The following RNF125 variants were observed in gnomAD, a reference collection of about 807,000 sequenced individuals.
RNF125 encodes E3 ubiquitin-protein ligase RNF125.
Under a neutral mutation model 26.0 loss-of-function variants are expected in RNF125, and 21 were observed. That is an observed-to-expected ratio of 0.81 (90% CI 0.57 to 1.16). The LOEUF is 1.16. RNF125 is among the 50% of genes most tolerant of loss of function. The pLI, the probability that RNF125 is intolerant of heterozygous loss-of-function variation, is 0.00. For synonymous variants in RNF125, 95 were observed against 109.2 expected (o/e 0.87, Z 0.81); for missense variants, 270 against 299.4 (o/e 0.90, Z 0.72).
chr18:32,059,742 T>C (rs1176396883), intron 4 of RNF125, among the ~76,000 whole-genome samples: 1 of 152,216 alleles, frequency 6.6e-6, no homozygotes, highest in Non-Finnish European at 1.5e-5. Context: ...AGTAGTTTCA[T>C]AGTTTGAGGT....
intron 2 of RNF125, among the ~76,000 whole-genome samples, chr18:32,040,530 A>G (rs2039206949): frequency 6.6e-6 from 1 of 152,006 alleles, no homozygotes; most frequent in Non-Finnish European, 1.5e-5. Context: ...TCAGCCTCCC[A>G]AAGTGCTGGA....
In RNF125 at chr18:32,071,515, A is replaced by T. The variant is rs2039534091; in HGVS notation, c.*3131A>T. ...TTATGAATCCAGGGCATAGATTAGT[A>T]TCTCCATCTTGTAAGGATGCAAAGA... is the stretch of plus-strand genomic sequence containing the variant. On this transcript the variant is annotated 3_prime_UTR_variant, in exon 6 of 6. Transcript: ENST00000217740. 6.6e-6 allele frequency: 1 copy of T among 152,188 alleles called. No individual in the cohort carries two copies. Among genetic ancestry groups the T allele is most frequent in the South Asian group, 2.1e-4 (1 of 4,836 alleles). The allele number at this position is 152,188 out of a possible 1,614,324, so 9.4% of individuals were successfully genotyped here.
At chr18:32,052,507 A>T (rs1269712792) in intron 4 of RNF125, among the ~76,000 whole-genome samples, 2 of 150,920 alleles carry the variant, frequency 1.3e-5, no homozygotes, top group Non-Finnish European at 1.5e-5. Context: ...AAAAAAAAAA[A>T]AAATTAGGTA....
chr18:32,056,190 T>C (rs1369298838), intron 4 of RNF125, among the ~76,000 whole-genome samples: 1 of 151,924 alleles, frequency 6.6e-6, no homozygotes, highest in Non-Finnish European at 1.5e-5. Context: ...GTGGCTCACA[T>C]AGGAAGAAGG....
chr18:32,066,442 G>A (rs2039486295), intron 5 of RNF125, among the ~76,000 whole-genome samples: 1 of 150,654 alleles, frequency 6.6e-6, no homozygotes. Context: ...CTGGGCAACA[G>A]AGTGAGACTT....
At chr18:32,056,588 T>C (rs1182603878) in intron 4 of RNF125, among the ~76,000 whole-genome samples, 1 of 132,570 alleles carries the variant, frequency 7.5e-6, no homozygotes, top group Admixed American at 8.7e-5. Context: ...GCCGTTGCAC[T>C]CTAGCCTGGG....
chr18:32,065,832 T>C, intron 4 of RNF125, 70 bp from the exon 5 acceptor site: 1 of 1,128,274 alleles, frequency 8.9e-7, no homozygotes. Flanking sequence ...CGCCCAGCCG[T>C]TGTTTTTAAT....
intron 4 of RNF125, among the ~76,000 whole-genome samples, chr18:32,050,700 A>G (rs1312323179): frequency 6.6e-6 from 1 of 151,890 alleles, no homozygotes; most frequent in Admixed American, 6.6e-5. Context: ...AGCAGGTGAC[A>G]CAAACAGCAT....
intron 1 of RNF125, among the ~76,000 whole-genome samples, chr18:32,020,353 T>G (rs2038975286): frequency 6.6e-6 from 1 of 151,514 alleles, no homozygotes; most frequent in South Asian, 2.1e-4. Context: ...CAGCCTTCTC[T>G]CTTTGCTTTG....
chr18:32,049,296 G>A lies in RNF125; in HGVS notation c.504+3564G>A, dbSNP rs2039301907. On this transcript the variant is annotated intron_variant, in intron 4 of 5. Coordinates refer to ENST00000217740, the MANE Select transcript of RNF125 (RefSeq NM_017831.4). ...TAGTTAAATCCTAGGCTTTAAAGGGGATAGGCTTGGTTCTAATCCCAGGAA... is the reference window on the plus strand; with the variant it reads ...TAGTTAAATCCTAGGCTTTAAAGGGAATAGGCTTGGTTCTAATCCCAGGAA... 3.3e-5 allele frequency among the ~76,000 whole-genome samples: 5 copies of A among 152,302 alleles called. No individual in the cohort carries two copies. In the South Asian group the frequency reaches 1.0e-3, roughly 32 times the overall value.
chr18:32,073,152 GATAA>G lies in RNF125; in HGVS notation c.*4774_*4777del, dbSNP rs1233177940. ...TTCTTCTGTAAGTATGTATTGCTATGATAAATAAAAAATGGCAGGACCATTGTTT... is the reference window on the plus strand; with the variant it reads ...TTCTTCTGTAAGTATGTATTGCTATGATAAAAAATGGCAGGACCATTGTTT... On this transcript the variant is annotated 3_prime_UTR_variant, in exon 6 of 6. Coordinates refer to ENST00000217740, the MANE Select transcript of RNF125 (RefSeq NM_017831.4). 3.3e-5 allele frequency: 5 copies of G among 152,136 alleles called. No homozygotes were observed. The highest frequency in any genetic ancestry group is 6.5e-5 in the Admixed American group (1 of 15,272). 9.4% of individuals were successfully genotyped at this position (152,136 alleles called of 1,614,324 possible).
In RNF125 at chr18:32,042,235, G is replaced by C. The variant is rs747059757; in HGVS notation, c.375G>C (p.Lys125Asn). 84 of 1,613,538 alleles carry C rather than the reference G, an allele frequency of 5.2e-5. No individual in the cohort carries two copies. Among genetic ancestry groups the C allele is most frequent in the Non-Finnish European group, 6.8e-6 (8 of 1,179,762 alleles). ...GGACTTGTCAGAAGTACATAGATAA[G>C]TATGGACCACTACAAGAACTTGAGG... ...HIRTCQKYID[K>N]YGPLQELEET... Residue 125 changes from lysine to asparagine, a missense_variant, in exon 3 of 6, where the codon AAG becomes AAC. Lys to Asn is a moderately conservative substitution (Grantham distance 94). Coordinates refer to ENST00000217740, the MANE Select transcript of RNF125 (RefSeq NM_017831.4).
At chr18:32,077,513 C>G (rs1334077444), downstream of RNF125, among the ~76,000 whole-genome samples, 1 of 151,684 alleles carries the variant, frequency 6.6e-6, no homozygotes, top group Non-Finnish European at 1.5e-5. Flanking sequence ...AGGCATGTAT[C>G]ACTACGCTCA....
At chr18:32,026,809 C>G (rs2039041255) in intron 1 of RNF125, among the ~76,000 whole-genome samples, 2 of 152,346 alleles carry the variant, frequency 1.3e-5, no homozygotes, top group South Asian at 4.1e-4. Flanking sequence ...ACATTTGAGA[C>G]TGAAACCAAG....
intron 4 of RNF125, among the ~76,000 whole-genome samples, chr18:32,051,978 A>G (rs1598820797): frequency 6.6e-6 from 1 of 151,598 alleles, no homozygotes; most frequent in African/African-American, 2.4e-5. Context: ...GTGAGCCACC[A>G]CGTCCAGCCT....
intron 4 of RNF125, among the ~76,000 whole-genome samples, chr18:32,062,765 A>G (rs1186832468): frequency 6.6e-6 from 1 of 151,986 alleles, no homozygotes; most frequent in Non-Finnish European, 1.5e-5. Context: ...AGTAAATTCA[A>G]GCTATTTTTT....
intron 2 of RNF125, among the ~76,000 whole-genome samples, chr18:32,040,267 T>TCC: frequency 8.2e-6 from 1 of 121,494 alleles, no homozygotes; most frequent in East Asian, 2.1e-4. Context: ...AACAATTTCT[T>TCC]TCTTTTTTTT....
chr18:32,021,753 T>A (rs751551091), intron 1 of RNF125, among the ~76,000 whole-genome samples: 7 of 152,238 alleles, frequency 4.6e-5, no homozygotes, highest in Non-Finnish European at 1.0e-4. Flanking sequence ...AATTTACCAT[T>A]TACAATATTT....
chr18:32,030,244 T>C (rs1294136111), intron 1 of RNF125, among the ~76,000 whole-genome samples: 2 of 152,188 alleles, frequency 1.3e-5, no homozygotes, highest in East Asian at 1.9e-4. Context: ...GGTTTCACCA[T>C]GTTGGCCAGG....
Sources: gnomAD v4.1 joint callset for allele counts (sites outside exome capture counted in the v4.1 genomes callset) on GRCh38, gnomAD v4.1.1 for gene constraint, MANE v1.5 for transcripts, NCBI Gene and HGNC (gene_info 2026-07-23, HGNC 2026-07-21) for gene names.